RAB10: variants seen among roughly 807,000 people sequenced by gnomAD.
RAB10 encodes the protein RAB10, member RAS oncogene family, also known as ras-related protein Rab-10.
A neutral mutation model predicts 25.7 loss-of-function variants in RAB10; 5 were observed. The observed-to-expected ratio is 0.19, with a 90% CI of 0.10 to 0.41. The LOEUF (loss-of-function observed/expected upper bound fraction) is 0.41. RAB10 is among the 10% of genes least tolerant of loss of function. The pLI, the probability that RAB10 is intolerant of heterozygous loss-of-function variation, is 1.00. For missense variants in RAB10, 103 were observed against 245.8 expected (o/e 0.42, Z 3.89); for synonymous variants, 89 against 86.4 (o/e 1.03, Z -0.16).
chr2:26,060,605 T>C (rs1666374197), intron 1 of RAB10, among the ~76,000 whole-genome samples: 1 of 152,212 alleles, frequency 6.6e-6, no homozygotes, highest in Non-Finnish European at 1.5e-5. Context: ...ACAGTAGTTC[T>C]CTGAGGAAAA....
chr2:26,119,721 G>A (rs1667763462), intron 3 of RAB10, among the ~76,000 whole-genome samples: 1 of 152,096 alleles, frequency 6.6e-6, no homozygotes, highest in Non-Finnish European at 1.5e-5. Flanking sequence ...GTCTTACTGT[G>A]TTGCCCTGGC....
At chr2:26,057,773 G>A (rs1380873206) in intron 1 of RAB10, among the ~76,000 whole-genome samples, 1 of 152,202 alleles carries the variant, frequency 6.6e-6, no homozygotes, top group East Asian at 1.9e-4. Context: ...ACATGCAGGC[G>A]CAACCACACC....
chr2:26,095,684 G>T (rs1667197621), intron 1 of RAB10, among the ~76,000 whole-genome samples: 1 of 151,946 alleles, frequency 6.6e-6, no homozygotes, highest in South Asian at 2.1e-4. Context: ...TCTGTGGCAA[G>T]AGGATCACTT....
At chr2:26,043,146 G>A (rs1052536003) in intron 1 of RAB10, among the ~76,000 whole-genome samples, 1 of 150,750 alleles carries the variant, frequency 6.6e-6, no homozygotes, top group African/African-American at 2.5e-5. Context: ...TTCAAACAGG[G>A]CCAGGCAAGG....
chr2:26,064,427 T>G (rs1421774046), intron 1 of RAB10, among the ~76,000 whole-genome samples: 1 of 151,922 alleles, frequency 6.6e-6, no homozygotes, highest in Non-Finnish European at 1.5e-5. Flanking sequence ...GCTCAAGCAA[T>G]CCTCCCACCT....
At chr2:26,093,374 A>G (rs1206325509) in intron 1 of RAB10, among the ~76,000 whole-genome samples, 2 of 152,092 alleles carry the variant, frequency 1.3e-5, no homozygotes, top group Admixed American at 6.5e-5. Context: ...TCCATCTGCC[A>G]TGGAAAGACA....
chr2:26,037,416 A>G (rs1198939871), intron 1 of RAB10, among the ~76,000 whole-genome samples: 1 of 152,052 alleles, frequency 6.6e-6, no homozygotes, highest in African/African-American at 2.4e-5. Context: ...AGGCAGGCGG[A>G]TCACCTGAGG....
chr2:26,063,448 C>A (rs1369418155), intron 1 of RAB10, among the ~76,000 whole-genome samples: 1 of 151,732 alleles, frequency 6.6e-6, no homozygotes, highest in Admixed American at 6.6e-5. Context: ...TTTGCTAGAC[C>A]ATTTGAAAAT....
At chr2:26,071,940 C>T (rs955243301) in intron 1 of RAB10, among the ~76,000 whole-genome samples, 3 of 152,084 alleles carry the variant, frequency 2.0e-5, no homozygotes, top group Non-Finnish European at 4.4e-5. Context: ...CTTTTCTGTA[C>T]ATACTCTCTT....
At chr2:26,058,359 A>G (rs1053311037) in intron 1 of RAB10, among the ~76,000 whole-genome samples, 3 of 152,052 alleles carry the variant, frequency 2.0e-5, no homozygotes, top group African/African-American at 7.2e-5. Flanking sequence ...TAGAGCCTTT[A>G]GTGGCTTTCA....
intron 3 of RAB10, among the ~76,000 whole-genome samples, chr2:26,110,598 G>A (rs1667550611): frequency 6.6e-6 from 1 of 152,044 alleles, no homozygotes; most frequent in African/African-American, 2.4e-5. Context: ...TCATGTTATA[G>A]AAATATAATA....
intron 1 of RAB10, among the ~76,000 whole-genome samples, chr2:26,041,241 C>T (rs996479887): frequency 1.3e-5 from 2 of 152,048 alleles, no homozygotes; most frequent in East Asian, 1.9e-4. Flanking sequence ...TGGGATCAGA[C>T]TTACCAATAT....
chr2:26,065,931 T>G (rs865916273), intron 1 of RAB10, among the ~76,000 whole-genome samples: 2 of 152,222 alleles, frequency 1.3e-5, no homozygotes, highest in Admixed American at 6.5e-5. Context: ...TTTAGCTTAG[T>G]GGGAATATTG....
intron 1 of RAB10, among the ~76,000 whole-genome samples, chr2:26,081,418 G>A (rs1666867132): frequency 6.6e-6 from 1 of 152,124 alleles, no homozygotes; most frequent in Admixed American, 6.5e-5. Context: ...GAAATTCTAT[G>A]GAATACCTGA....
rs111729959 is a variant in RAB10, at chr2:26,072,585, T to C, written c.128-26077T>C. 5.9e-5 allele frequency among the ~76,000 whole-genome samples: 9 copies of C among 152,286 alleles called. 1 individual carries two copies. The highest frequency in any genetic ancestry group is 2.2e-4 in the African/African-American group (9 of 41,568). Reference sequence around the variant, plus strand: ...AAATTACTTGCTGAGCTTTGTAGTGTTGAAGAATAATGTTTAGGATTATCT... The same window carrying C: ...AAATTACTTGCTGAGCTTTGTAGTGCTGAAGAATAATGTTTAGGATTATCT... On this transcript the variant is annotated intron_variant, in intron 1 of 5. Transcript: ENST00000264710.
At chr2:26,049,581 A>G (rs1574527388) in intron 1 of RAB10, among the ~76,000 whole-genome samples, 1 of 151,746 alleles carries the variant, frequency 6.6e-6, no homozygotes, top group Middle Eastern at 3.4e-3. Flanking sequence ...GCTAATTTTT[A>G]TATTTTTAGT....
intron 1 of RAB10, among the ~76,000 whole-genome samples, chr2:26,044,753 C>A (rs746414617): frequency 2.0e-5 from 3 of 152,040 alleles, no homozygotes; most frequent in Non-Finnish European, 4.4e-5. Flanking sequence ...GCCCTGTTGA[C>A]CAGGCTGGTC....
At chr2:26,121,734 A>G (rs1667806738) in intron 3 of RAB10, among the ~76,000 whole-genome samples, 1 of 152,244 alleles carries the variant, frequency 6.6e-6, no homozygotes, top group South Asian at 2.1e-4. Flanking sequence ...GAGCCCATAC[A>G]AGGCACCTTT....
chr2:26,118,338 G>A (rs561882188), intron 3 of RAB10, among the ~76,000 whole-genome samples: 1 of 150,894 alleles, frequency 6.6e-6, no homozygotes, highest in African/African-American at 2.4e-5. Flanking sequence ...TTTTGAGACC[G>A]GGTTTCACTG....
Sources: gnomAD v4.1 joint callset for allele counts (sites outside exome capture counted in the v4.1 genomes callset) on GRCh38, gnomAD v4.1.1 for gene constraint, MANE v1.5 for transcripts, NCBI Gene and HGNC (gene_info 2026-07-23, HGNC 2026-07-21) for gene names.